Variants in NR6A1 observed in about 807,000 individuals in gnomAD.
The protein encoded by NR6A1 is nuclear receptor subfamily 6 group A member 1.
Under a neutral mutation model 59.1 loss-of-function variants are expected in NR6A1, and 7 were observed. That is an observed-to-expected ratio of 0.12 (90% CI 0.07 to 0.22). The LOEUF (loss-of-function observed/expected upper bound fraction) is 0.22. NR6A1 is among the 10% of genes least tolerant of loss of function. The pLI, the probability that NR6A1 is intolerant of heterozygous loss-of-function variation, is 1.00. For synonymous variants in NR6A1, 243 were observed against 236.1 expected (o/e 1.03, Z -0.27); for missense variants, 468 against 611.6 (o/e 0.77, Z 2.48).
At chr9:124,530,410 C>T (rs760060313) in intron 7 of NR6A1, among the ~76,000 whole-genome samples, 4 of 152,192 alleles carry the variant, frequency 2.6e-5, no homozygotes, top group Admixed American at 6.5e-5. Context: ...TGCCTGCAGC[C>T]GTGCCTCCTC....
chr9:124,748,804 G>C (rs1165060133), intron 1 of NR6A1, among the ~76,000 whole-genome samples: 1 of 151,312 alleles, frequency 6.6e-6, no homozygotes, highest in African/African-American at 2.4e-5. Context: ...GGTGGAGCTT[G>C]CAGTGAGCTG....
At chr9:124,601,574 ACT>A (rs1282446040) in intron 2 of NR6A1, among the ~76,000 whole-genome samples, 2 of 130,996 alleles carry the variant, frequency 1.5e-5, no homozygotes, top group African/African-American at 3.0e-5. Context: ...ACAGAGGGAG[ACT>A]CTGTGTCAAA....
intron 2 of NR6A1, among the ~76,000 whole-genome samples, chr9:124,686,620 C>A (rs1339933443): frequency 6.6e-6 from 1 of 151,470 alleles, no homozygotes; most frequent in East Asian, 1.9e-4. Flanking sequence ...TGTGGGTTTG[C>A]AAAATAATCT....
Position 124,746,688 on chromosome 9 carries a change from T to C in NR6A1, c.101-13339A>G, listed in dbSNP as rs143887386. The stretch of plus-strand genomic sequence containing the variant: ...CAGAAGAGCAACAACCAAGTATTTA[T>C]AGCACAACATAAATACAAAAGATAC... On this transcript the variant is annotated intron_variant, in intron 1 of 9. Transcript: ENST00000487099. Among the ~76,000 whole-genome samples, 45 of 152,322 alleles carry C rather than the reference T, an allele frequency of 3.0e-4. No homozygotes were observed. In the East Asian group the frequency reaches 6.7e-3, roughly 23 times the overall value.
chr9:124,613,897 T>C (rs1835820791), intron 2 of NR6A1, among the ~76,000 whole-genome samples: 1 of 152,174 alleles, frequency 6.6e-6, no homozygotes, highest in Non-Finnish European at 1.5e-5. Flanking sequence ...GATGGAGTAA[T>C]GGGGACCAGA....
chr9:124,643,820 G>T (rs1836845984), intron 2 of NR6A1, among the ~76,000 whole-genome samples: 1 of 149,076 alleles, frequency 6.7e-6, no homozygotes. Context: ...TTTAAAATCA[G>T]AAAAAATTAA....
chr9:124,665,183 CAA>C (rs928587957), intron 2 of NR6A1, among the ~76,000 whole-genome samples: 11 of 125,004 alleles, frequency 8.8e-5, no homozygotes, highest in African/African-American at 8.8e-5. Flanking sequence ...GAACCTTTCT[CAA>C]AAAAAAAAAA....
In NR6A1 at chr9:124,548,230, C is replaced by T. The variant is rs376681971; in HGVS notation, c.386-4373G>A. On this transcript the variant is annotated intron_variant, in intron 3 of 9. Coordinates refer to ENST00000487099, the MANE Select transcript of NR6A1 (RefSeq NM_033334.4). ...ACAATTGGTGAATTTAGGTAAAGGG[C>T]ATATGGGAATTATTACTACTGTTGC... Among the ~76,000 whole-genome samples, 176 of 152,206 alleles carry T rather than the reference C, an allele frequency of 1.2e-3. 2 individuals are homozygous for T. The highest frequency in any genetic ancestry group is 3.8e-3 in the African/African-American group (158 of 41,534).
At chr9:124,652,447 G>A (rs1334247985) in intron 2 of NR6A1, among the ~76,000 whole-genome samples, 1 of 152,072 alleles carries the variant, frequency 6.6e-6, no homozygotes, top group Non-Finnish European at 1.5e-5. Context: ...TGCAAAATGA[G>A]GATAATACTG....
At chr9:124,529,628 A>C (rs1833038645) in intron 7 of NR6A1, among the ~76,000 whole-genome samples, 1 of 152,172 alleles carries the variant, frequency 6.6e-6, no homozygotes, top group African/African-American at 2.4e-5. Flanking sequence ...TCTTGTTCTT[A>C]GCTGCTACCT....
intron 2 of NR6A1, among the ~76,000 whole-genome samples, chr9:124,694,654 G>T (rs1473998378): frequency 6.6e-6 from 1 of 152,126 alleles, no homozygotes; most frequent in Admixed American, 6.5e-5. Flanking sequence ...CCATGTTAAA[G>T]AAAGAAAAAC....
chr9:124,750,145 C>G (rs1840453526), intron 1 of NR6A1, among the ~76,000 whole-genome samples: 1 of 152,160 alleles, frequency 6.6e-6, no homozygotes, highest in Non-Finnish European at 1.5e-5. Context: ...ACTTTCAGTC[C>G]CTACCATGTT....
chr9:124,754,078 T>C (rs1459036142), intron 1 of NR6A1, among the ~76,000 whole-genome samples: 2 of 152,190 alleles, frequency 1.3e-5, no homozygotes, highest in Non-Finnish European at 2.9e-5. Flanking sequence ...AGTCACTAGG[T>C]GGTTCATAAC....
At position 124,664,845 on chromosome 9, in the gene NR6A1, TG is replaced by T. The variant is rs749644026; in HGVS notation, c.142+68462del. ...TTCATGGAGCTAACAAGCTATAAAC[TG>T]GGATAACCATGGGCCAGAAGCCCTA... On this transcript the variant is annotated intron_variant, in intron 2 of 9. Coordinates refer to ENST00000487099, the MANE Select transcript of NR6A1 (RefSeq NM_033334.4). 2.0e-4 allele frequency among the ~76,000 whole-genome samples: 30 copies of T among 151,804 alleles called. 1 individual carries two copies. The highest frequency in any genetic ancestry group is 3.8e-4 in the Non-Finnish European group (26 of 67,978).
intron 2 of NR6A1, among the ~76,000 whole-genome samples, chr9:124,636,615 A>G (rs1431600429): frequency 6.6e-6 from 1 of 152,084 alleles, no homozygotes; most frequent in East Asian, 1.9e-4. Flanking sequence ...CCCTGTCTTG[A>G]TTCATTTTTT....
chr9:124,530,299 C>A (rs1442892594), intron 7 of NR6A1, among the ~76,000 whole-genome samples: 1 of 152,190 alleles, frequency 6.6e-6, no homozygotes, highest in Non-Finnish European at 1.5e-5. Flanking sequence ...AGCCTAGCAG[C>A]CCCCACTCAG....
At chr9:124,690,582 C>T (rs541619277) in intron 2 of NR6A1, among the ~76,000 whole-genome samples, 1 of 152,122 alleles carries the variant, frequency 6.6e-6, no homozygotes, top group South Asian at 2.1e-4. Context: ...GTCACCCAGG[C>T]TGGAGTGCAG....
intron 1 of NR6A1, among the ~76,000 whole-genome samples, chr9:124,739,764 TA>T (rs1312151555): frequency 1.3e-5 from 2 of 152,210 alleles, no homozygotes; most frequent in Non-Finnish European, 2.9e-5. Flanking sequence ...GAAACTTAAA[TA>T]AACTTCTGAG....
intron 1 of NR6A1, among the ~76,000 whole-genome samples, chr9:124,733,657 A>G (rs2131130572): frequency 6.6e-6 from 1 of 152,352 alleles, no homozygotes; most frequent in East Asian, 1.9e-4. Context: ...AGTAATTATG[A>G]GTTATCATGG....
Sources: gnomAD v4.1 joint callset for allele counts (sites outside exome capture counted in the v4.1 genomes callset) on GRCh38, gnomAD v4.1.1 for gene constraint, MANE v1.5 for transcripts, NCBI Gene and HGNC (gene_info 2026-07-23, HGNC 2026-07-21) for gene names.